The following TMEM108 variants were observed in gnomAD, a reference collection of about 807,000 sequenced individuals.
TMEM108 encodes the protein transmembrane protein 108.
TMEM108 carries 12 observed loss-of-function variants against 35.1 expected under a neutral mutation model. That is an observed-to-expected ratio of 0.34 (90% confidence interval 0.22 to 0.55). TMEM108 has a LOEUF of 0.55. Ranked by LOEUF, TMEM108 falls within the 20% of genes least tolerant of loss-of-function variation. The probability of loss-of-function intolerance (pLI) is 0.89; values close to 1 mark genes in which losing one functional copy is unlikely to be tolerated. For synonymous variants in TMEM108, 287 were observed against 308.6 expected (o/e 0.93, Z 0.73); for missense variants, 680 against 753.3 (o/e 0.90, Z 1.14).
chr3:133,309,145 G>A (rs560999396), intron 3 of TMEM108, among the ~76,000 whole-genome samples: 24 of 152,290 alleles, frequency 1.6e-4, no homozygotes, highest in South Asian at 8.3e-4. Context: ...TAGTTTATTT[G>A]TGTAGAGGTG....
intron 2 of TMEM108, among the ~76,000 whole-genome samples, chr3:133,138,507 A>AT (rs879712854): frequency 2.2e-4 from 33 of 150,658 alleles, no homozygotes; most frequent in Middle Eastern, 3.4e-3. Flanking sequence ...TTTGTGTGTG[A>AT]TTTTTTTTTT....
At chr3:133,222,901 G>A (rs1946013206) in intron 2 of TMEM108, among the ~76,000 whole-genome samples, 1 of 151,620 alleles carries the variant, frequency 6.6e-6, no homozygotes, top group Non-Finnish European at 1.5e-5. Context: ...GCTCACTACA[G>A]CTTGAACTTC....
intron 3 of TMEM108, among the ~76,000 whole-genome samples, chr3:133,374,936 C>T (rs371718970): frequency 6.6e-6 from 1 of 152,128 alleles, no homozygotes; most frequent in African/African-American, 2.4e-5. Context: ...TAGTCGAGAG[C>T]ATAGACTCTG....
intron 3 of TMEM108, among the ~76,000 whole-genome samples, chr3:133,284,310 T>C (rs990976054): frequency 2.6e-5 from 4 of 152,194 alleles, no homozygotes; most frequent in African/African-American, 9.7e-5. Flanking sequence ...AGCCCTTTCC[T>C]CCACCTTCAC....
chr3:133,174,391 C>T (rs2107793867), intron 2 of TMEM108, among the ~76,000 whole-genome samples: 2 of 152,262 alleles, frequency 1.3e-5, no homozygotes, highest in Middle Eastern at 6.8e-3. Context: ...CAAGTGGGTC[C>T]CTGACCCCCG....
chr3:133,223,474 T>A (rs1168471456), intron 2 of TMEM108, among the ~76,000 whole-genome samples: 1 of 152,238 alleles, frequency 6.6e-6, no homozygotes, highest in Non-Finnish European at 1.5e-5. Context: ...GGGTTGTTTT[T>A]CCTTTATGCA....
At chr3:133,337,875 T>C (rs1207039406) in intron 3 of TMEM108, among the ~76,000 whole-genome samples, 1 of 152,066 alleles carries the variant, frequency 6.6e-6, no homozygotes, top group African/African-American at 2.4e-5. Context: ...TTAAAAACAA[T>C]CAAGCAGAAA....
At chr3:133,056,087 TTC>T (rs1943461932) in intron 2 of TMEM108, among the ~76,000 whole-genome samples, 1 of 131,760 alleles carries the variant, frequency 7.6e-6, no homozygotes, top group African/African-American at 3.1e-5. Flanking sequence ...TTACCTTAAG[TTC>T]TTTAGTCTCT....
intron 2 of TMEM108, among the ~76,000 whole-genome samples, chr3:133,221,265 C>T (rs999264617): frequency 6.6e-6 from 1 of 152,136 alleles, no homozygotes; most frequent in Non-Finnish European, 1.5e-5. Flanking sequence ...AGCCCCCACC[C>T]AGGAGCCCAC....
intron 2 of TMEM108, among the ~76,000 whole-genome samples, chr3:133,065,416 A>C (rs188105397): frequency 1.8e-4 from 27 of 152,296 alleles, no homozygotes; most frequent in East Asian, 7.7e-4. Context: ...ATGGTAAATA[A>C]GTGCGGTTAG....
chr3:133,305,118 C>A (rs1370402893), intron 3 of TMEM108, among the ~76,000 whole-genome samples: 4 of 151,792 alleles, frequency 2.6e-5, no homozygotes, highest in African/African-American at 9.7e-5. Flanking sequence ...AAGAAAGATG[C>A]CTATGAGCCA....
intron 2 of TMEM108, among the ~76,000 whole-genome samples, chr3:133,095,143 C>T (rs1420909884): frequency 6.6e-6 from 1 of 152,076 alleles, no homozygotes; most frequent in East Asian, 1.9e-4. Context: ...TATACTGATA[C>T]GTTGCTGCTT....
At chr3:133,182,819 G>A (rs988282939) in intron 2 of TMEM108, among the ~76,000 whole-genome samples, 2 of 152,190 alleles carry the variant, frequency 1.3e-5, no homozygotes, top group African/African-American at 4.8e-5. Flanking sequence ...AGCCAGTGGT[G>A]CATCTAACTC....
At chr3:133,157,619 A>G (rs1944900038) in intron 2 of TMEM108, among the ~76,000 whole-genome samples, 2 of 152,154 alleles carry the variant, frequency 1.3e-5, no homozygotes, top group African/African-American at 4.8e-5. Context: ...CTTGAGACCC[A>G]TGGAAGGAAT....
intron 2 of TMEM108, among the ~76,000 whole-genome samples, chr3:133,115,289 A>G (rs1024009237): frequency 6.6e-6 from 1 of 152,228 alleles, no homozygotes; most frequent in Non-Finnish European, 1.5e-5. Flanking sequence ...GTCATTTAGC[A>G]CAATTCCCAC....
chr3:133,337,926 AT>A (rs1559910821), intron 3 of TMEM108, among the ~76,000 whole-genome samples: 1 of 152,200 alleles, frequency 6.6e-6, no homozygotes, highest in African/African-American at 2.4e-5. Context: ...TGAAGAATGT[AT>A]CAGGGTCTTT....
At chr3:133,129,746 C>A (rs1291125294) in intron 2 of TMEM108, among the ~76,000 whole-genome samples, 1 of 151,906 alleles carries the variant, frequency 6.6e-6, no homozygotes, top group African/African-American at 2.4e-5. Context: ...CTGTAACCAC[C>A]CTGTGAATAG....
At chr3:133,310,534 T>TTTTTTTTTTTG (rs1454017164) in intron 3 of TMEM108, among the ~76,000 whole-genome samples, 1 of 82,194 alleles carries the variant, frequency 1.2e-5, no homozygotes, top group African/African-American at 7.4e-5. Flanking sequence ...CCCCTGCTTT[T>TTTTTTTTTTTG]TTTTTTTTTT....
At chr3:133,200,517 G>A (rs559691547) in intron 2 of TMEM108, among the ~76,000 whole-genome samples, 6 of 152,226 alleles carry the variant, frequency 3.9e-5, no homozygotes, top group East Asian at 1.9e-4. Flanking sequence ...GTCCCTGGTC[G>A]GAGAAGAATA....
Sources: allele counts gnomAD v4.1 joint callset (sites outside exome capture counted in the v4.1 genomes callset), GRCh38; gene constraint gnomAD v4.1.1; transcripts MANE v1.5; gene names NCBI Gene and HGNC (gene_info 2026-07-23, HGNC 2026-07-21).